Variants in NCBP1 observed in about 807,000 individuals in gnomAD.
NCBP1 encodes the protein nuclear cap binding protein subunit 1, also known as nuclear cap-binding protein subunit 1.
A neutral mutation model predicts 111.7 loss-of-function variants in NCBP1; 16 were observed. That is an observed-to-expected ratio of 0.14 (90% CI 0.10 to 0.22). The LOEUF (loss-of-function observed/expected upper bound fraction) is 0.22, where lower values mean the gene tolerates loss of function less well. Ranked by LOEUF, NCBP1 falls within the 10% of genes least tolerant of loss-of-function variation. The pLI, the probability that NCBP1 is intolerant of heterozygous loss-of-function variation, is 1.00. For synonymous variants in NCBP1, 304 were observed against 314.3 expected (o/e 0.97, Z 0.35); for missense variants, 607 against 957.5 (o/e 0.63, Z 4.83).
intron 15 of NCBP1, 24 bp from the exon 16 acceptor site, chr9:97,660,922 C>G (rs1827816474): frequency 1.3e-6 from 2 of 1,597,562 alleles, no homozygotes; most frequent in East Asian, 4.5e-5. Context: ...CTGTCATTCC[C>G]CTTACCCCCA....
chr9:97,663,507 CAG>C (rs1222243762), intron 18 of NCBP1, among the ~76,000 whole-genome samples: 15 of 151,702 alleles, frequency 9.9e-5, no homozygotes, highest in African/African-American at 3.1e-4. Flanking sequence ...TTTTTGGAGA[CAG>C]AGTCTCACTC....
In NCBP1 at chr9:97,648,241, AGTCCTAGATATTGACCT is replaced by A. The variant is rs766530132; in HGVS notation, c.897+21_897+37del. On this transcript the variant is annotated intron_variant, in intron 8 of 22. Transcript: ENST00000375147. ...ATCCCGAGGTAAGTGACCGACTAAAAGTCCTAGATATTGACCTGTGTTGCATTGTGCTTGTGGGTTAA... is the reference window on the plus strand; with the variant it reads ...ATCCCGAGGTAAGTGACCGACTAAAAGTGTTGCATTGTGCTTGTGGGTTAA... The A allele has an allele frequency of 6.2e-7, 1 of 1,607,712 alleles. No individual in the cohort carries two copies. Among genetic ancestry groups the A allele is most frequent in the South Asian group, 1.1e-5 (1 of 90,890 alleles).
chr9:97,660,976 G>A lies in NCBP1; in HGVS notation c.1508G>A (p.Cys503Tyr). The A allele has an allele frequency of 6.2e-7, 1 of 1,612,302 alleles. No homozygotes were observed. Among genetic ancestry groups the A allele is most frequent in the Non-Finnish European group, 8.5e-7 (1 of 1,179,590 alleles). Residue 503 changes from cysteine (C) to tyrosine (Y), a missense_variant, in exon 16 of 23, where the codon TGT becomes TAT. Physicochemically the swap from Cys to Tyr is radical, Grantham distance 194. This residue lies in a region of NCBP1 where 282 missense variants were observed against 376.5 expected (regional missense o/e 0.75). Coordinates refer to ENST00000375147, the MANE Select transcript of NCBP1 (RefSeq NM_002486.5). ...CTTCCTGGACATTCTGTTGCCCTCT[G>A]TTTAGCTGTTGCCTTTAAAAGTAAG... ...NSLPGHSVAL[C>Y]LAVAFKSKAT... is the part of the protein sequence containing the mutation.
Position 97,658,683 on chromosome 9 carries a change from T to G in NCBP1, c.1417T>G (p.Phe473Val). ...QRILDIVPPT[F>V]SALCPANPTC... is the part of the protein sequence containing the mutation. ...TATATTAGATATTGTTCCTCCTACC[T>G]TCTCAGCTCTGTGTCCTGCAAACCC... The change falls in exon 15 of 23, where the codon TTC becomes GTC. Residue 473 changes from phenylalanine (F) to valine (V), a missense_variant. Transcript: ENST00000375147. 1 of 1,613,582 alleles carries G rather than the reference T, an allele frequency of 6.2e-7. No individual in the cohort carries two copies. The highest frequency in any genetic ancestry group is 8.5e-7 in the Non-Finnish European group (1 of 1,179,588).
intron 10 of NCBP1, among the ~76,000 whole-genome samples, chr9:97,652,395 A>G (rs1255362799): frequency 6.6e-6 from 1 of 152,210 alleles, no homozygotes; most frequent in East Asian, 1.9e-4. Flanking sequence ...AGGCAGGCTG[A>G]TAGCTTGAGC....
intron 14 of NCBP1, among the ~76,000 whole-genome samples, chr9:97,657,301 T>G (rs1827689094): frequency 6.6e-6 from 1 of 152,198 alleles, no homozygotes; most frequent in Non-Finnish European, 1.5e-5. Flanking sequence ...TATATAGTGT[T>G]GAGTTGTCAT....
At chr9:97,654,776 T>A in intron 11 of NCBP1, 104 bp from the exon 12 acceptor site, 1 of 997,986 alleles carries the variant, frequency 1.0e-6, no homozygotes. Context: ...TGTTCAGCAT[T>A]ATTAATCATT....
chr9:97,649,283 G>C (rs1369192806), intron 8 of NCBP1, among the ~76,000 whole-genome samples: 1 of 151,776 alleles, frequency 6.6e-6, no homozygotes, highest in Non-Finnish European at 1.5e-5. Context: ...TTTCATTGTG[G>C]GTACTATCCT....
Position 97,671,396 on chromosome 9 carries a change from T to G in NCBP1, c.*197T>G, listed in dbSNP as rs1828189022. 1 of 531,146 alleles carries G rather than the reference T, an allele frequency of 1.9e-6. No individual in the cohort carries two copies. Among genetic ancestry groups the G allele is most frequent in the Non-Finnish European group, 3.4e-6 (1 of 297,914 alleles). The allele number at this position is 531,146 out of a possible 1,614,324, so 32.9% of individuals were successfully genotyped here. ...CAAATACTTCCTAACGGCAGTAATG[T>G]GACTATGACCATGATATATTATATA... is the stretch of plus-strand genomic sequence containing the variant. On this transcript the variant is annotated 3_prime_UTR_variant, in exon 23 of 23. Coordinates refer to ENST00000375147, the MANE Select transcript of NCBP1 (RefSeq NM_002486.5).
chr9:97,648,054 G>A lies in NCBP1; in HGVS notation c.728G>A (p.Arg243His), dbSNP rs1444644035. 1.9e-6 allele frequency: 3 copies of A among 1,613,860 alleles called. No homozygotes were observed. Among genetic ancestry groups the A allele is most frequent in the South Asian group, 2.2e-5 (2 of 91,076 alleles). Residue 243 changes from arginine to histidine, a missense_variant, in exon 8 of 23, where the codon CGC becomes CAC. Physicochemically the swap from Arg to His is conservative, Grantham distance 29. This residue lies in a region of NCBP1 where 53 missense variants were observed against 144.8 expected (regional missense o/e 0.37). Coordinates refer to ENST00000375147, the MANE Select transcript of NCBP1 (RefSeq NM_002486.5). ...CAGATTCAGAAATTGAAAAAGGATC[G>A]CTGGCAGGAACGGCACATCCTAAGA... ...WAQIQKLKKD[R>H]WQERHILRPY...
intron 19 of NCBP1, 31 bp downstream of exon 19, chr9:97,664,474 TC>T: frequency 6.9e-7 from 1 of 1,445,806 alleles, no homozygotes; most frequent in Non-Finnish European, 9.7e-7. Flanking sequence ...AAACTTGTGT[TC>T]CCTAAGAATT....
rs1364248556 is a variant in NCBP1 at position 97,648,106 on chromosome 9, G to A, written c.780G>A (p.Leu260=). 2.0e-5 allele frequency: 32 copies of A among 1,614,012 alleles called. No individual in the cohort carries two copies. Among genetic ancestry groups the A allele is most frequent in the Non-Finnish European group, 2.4e-5 (28 of 1,180,002 alleles). The part of the protein sequence containing the change: ...LRPYLAFDSI[L]CEALQHNLPP... ...CTTATCTTGCCTTTGACAGCATCCT[G>A]TGTGAAGCACTGCAGCACAATCTGC... Residue 260 remains leucine (L), a synonymous_variant, in exon 8 of 23, where the codon CTG becomes CTA. Transcript: ENST00000375147.
Position 97,647,546 on chromosome 9 carries a change from A to G in NCBP1, c.666A>G (p.Pro222=). The change falls in exon 7 of 23, where the codon CCA becomes CCG. Residue 222 remains proline, a synonymous_variant. Transcript: ENST00000375147. ...PMLQVWTADK[P]HPQEEYLDCL... Reference sequence around the variant, plus strand: ...TACAGGTATGGACTGCTGATAAACCACATCCACAAGAAGAGGTAAATGGAT... The same window carrying G: ...TACAGGTATGGACTGCTGATAAACCGCATCCACAAGAAGAGGTAAATGGAT... 6.2e-7 allele frequency: 1 copy of G among 1,612,364 alleles called. No homozygotes were observed. The highest frequency in any genetic ancestry group is 8.5e-7 in the Non-Finnish European group (1 of 1,178,614).
At chr9:97,653,942 T>C (rs758431495) in intron 11 of NCBP1, 34 bp downstream of exon 11, 7 of 1,530,430 alleles carry the variant, frequency 4.6e-6, no homozygotes, top group Admixed American at 1.8e-5. Flanking sequence ...CTTAATCTCT[T>C]TGGCCTGGTC....
At chr9:97,669,366 T>C (rs1440332294) in intron 21 of NCBP1, among the ~76,000 whole-genome samples, 3 of 152,216 alleles carry the variant, frequency 2.0e-5, no homozygotes, top group Admixed American at 2.0e-4. Context: ...CTAGGATAAG[T>C]AATTTAAGAC....
chr9:97,661,644 A>G (rs937045973), intron 16 of NCBP1, among the ~76,000 whole-genome samples: 1 of 151,782 alleles, frequency 6.6e-6, no homozygotes, highest in Non-Finnish European at 1.5e-5. Flanking sequence ...GTATTATGAT[A>G]TTAGAGAAAA....
intron 6 of NCBP1, among the ~76,000 whole-genome samples, chr9:97,646,839 CAAA>C (rs1199961668): frequency 0.044 from 2,434 of 55,582 alleles, 43 homozygotes; most frequent in African/African-American, 0.11. Context: ...GACTCCGTCT[CAAA>C]AAAAAAAAAA....
intron 1 of NCBP1, among the ~76,000 whole-genome samples, chr9:97,640,012 G>A (rs1447830624): frequency 6.6e-6 from 1 of 152,198 alleles, no homozygotes; most frequent in East Asian, 1.9e-4. Flanking sequence ...ATAAAAGCTA[G>A]TTAAAGCAGG....
chr9:97,637,987 T>C (rs1827097575), intron 1 of NCBP1, among the ~76,000 whole-genome samples: 1 of 147,670 alleles, frequency 6.8e-6, no homozygotes, highest in Non-Finnish European at 1.5e-5. Flanking sequence ...TTAATTTACA[T>C]TTTAAAACTT....
Sources: allele counts gnomAD v4.1 joint callset (sites outside exome capture counted in the v4.1 genomes callset), GRCh38; gene constraint gnomAD v4.1.1; regional missense constraint gnomAD v4.1.1; transcripts MANE v1.5; gene names NCBI Gene and HGNC (gene_info 2026-07-23, HGNC 2026-07-21).